The following ABL1 variants were observed in gnomAD, a reference collection of about 807,000 sequenced individuals.
ABL1 encodes the protein tyrosine-protein kinase ABL1.
In ABL1, 11 loss-of-function variants were observed where a neutral mutation model predicts 94.7. That is an observed-to-expected ratio of 0.12 (90% CI 0.07 to 0.19). The LOEUF (loss-of-function observed/expected upper bound fraction) is 0.19, where lower values mean the gene tolerates loss of function less well. ABL1 is among the 10% of genes least tolerant of loss of function. The pLI is 1.00. For missense variants in ABL1, 1,082 were observed against 1,489.4 expected, an observed-to-expected ratio of 0.73 and a Z score of 4.50; for synonymous variants, 656 against 622.4, an observed-to-expected ratio of 1.05 and a Z score of -0.80.
upstream of ABL1, among the ~76,000 whole-genome samples, chr9:130,830,359 G>A (rs1435251089): frequency 6.6e-6 from 1 of 152,216 alleles, no homozygotes; most frequent in Non-Finnish European, 1.5e-5. Context: ...TGCAGCCTGT[G>A]CATGAAATCA....
At chr9:130,851,014 C>T (rs1426430506) in intron 1 of ABL1, among the ~76,000 whole-genome samples, 1 of 151,986 alleles carries the variant, frequency 6.6e-6, no homozygotes, top group Admixed American at 6.6e-5. Context: ...AGCTCCGCCT[C>T]CCGGGTTCAC....
upstream of ABL1, among the ~76,000 whole-genome samples, chr9:130,833,827 G>A (rs185569271): frequency 4.6e-5 from 7 of 152,234 alleles, no homozygotes; most frequent in East Asian, 1.3e-3. Flanking sequence ...AGCCATTCCT[G>A]AGGTACTGAA....
chr9:130,810,790 A>G lies in ABL1; in HGVS notation c.137-43274A>G, dbSNP rs112078560. Reference sequence around the variant, plus strand: ...AATGGCTGAAAAATTTCCAAGTGTAATGAAAGCAGTAAACACACAGATCCA... The same window carrying G: ...AATGGCTGAAAAATTTCCAAGTGTAGTGAAAGCAGTAAACACACAGATCCA... On this transcript the variant is annotated intron_variant, in intron 1 of 10. Coordinates refer to the ABL1 transcript ENST00000372348. 8.4e-4 allele frequency among the ~76,000 whole-genome samples: 128 copies of G among 152,236 alleles called. 1 individual carries two copies. The highest frequency in any genetic ancestry group is 2.7e-3 in the African/African-American group (113 of 41,552).
In ABL1 at chr9:130,749,111, A is replaced by G. The variant is rs34558461; in HGVS notation, c.136+34656A>G. On this transcript the variant is annotated intron_variant, in intron 1 of 10. Coordinates refer to the ABL1 transcript ENST00000372348. ...TTATACTAGATCTTGAGCACCAGCT[A>G]TTTATTTTCTCTTGAAGCAGTGGTT... Among the ~76,000 whole-genome samples, 613 of 152,144 alleles carry G rather than the reference A, an allele frequency of 4.0e-3. 6 individuals carry two copies. Among genetic ancestry groups the G allele is most frequent in the African/African-American group, 0.014 (569 of 41,524 alleles).
chr9:130,785,914 C>T (rs895345753), intron 1 of ABL1, among the ~76,000 whole-genome samples: 2 of 125,336 alleles, frequency 1.6e-5, no homozygotes, highest in African/African-American at 6.3e-5. Context: ...CATTCTGGAA[C>T]TCTGTCTCAA....
At chr9:130,853,372 C>T (rs940939013) in intron 1 of ABL1, among the ~76,000 whole-genome samples, 2 of 150,790 alleles carry the variant, frequency 1.3e-5, no homozygotes, top group African/African-American at 4.9e-5. Context: ...GACAGGATTT[C>T]ACTGTGTTGG....
intron 6 of ABL1, 135 bp from the exon 7 acceptor site, chr9:130,874,733 G>A (rs947383983): frequency 8.9e-6 from 8 of 893,954 alleles, no homozygotes; most frequent in Non-Finnish European, 1.4e-5. Flanking sequence ...AATTGCCGTG[G>A]GCATTAATAC....
At chr9:130,767,780 TACAC>T (rs534368272) in intron 1 of ABL1, among the ~76,000 whole-genome samples, 1 of 152,228 alleles carries the variant, frequency 6.6e-6, no homozygotes, top group African/African-American at 2.4e-5. Flanking sequence ...CACACACACG[TACAC>T]ACACATTCAC....
intron 6 of ABL1, among the ~76,000 whole-genome samples, chr9:130,873,731 G>A (rs1382256286): frequency 3.3e-5 from 5 of 152,098 alleles, no homozygotes; most frequent in East Asian, 3.9e-4. Flanking sequence ...GCAAAGCGAC[G>A]GCCTGTGCAG....
intron 1 of ABL1, among the ~76,000 whole-genome samples, chr9:130,853,170 C>CTTTTTTTTTTT (rs11418318): frequency 1.3e-5 from 1 of 75,342 alleles, no homozygotes; most frequent in Non-Finnish European, 2.3e-5. Flanking sequence ...TTTGACTTTT[C>CTTTTTTTTTTT]TTTTTTTTTT....
intron 1 of ABL1, among the ~76,000 whole-genome samples, chr9:130,778,580 G>A (rs1829703409): frequency 2.0e-5 from 3 of 151,912 alleles, no homozygotes; most frequent in Admixed American, 6.6e-5. Context: ...CATGTTTGGG[G>A]CTCTTCTGGG....
intron 1 of ABL1, among the ~76,000 whole-genome samples, chr9:130,776,627 G>A (rs1471795936): frequency 6.6e-6 from 1 of 152,078 alleles, no homozygotes; most frequent in Non-Finnish European, 1.5e-5. Flanking sequence ...GAGGTCTTTG[G>A]GGGCTGCCTG....
In ABL1 at chr9:130,887,423, C is replaced by G. The variant is rs1235641097; in HGVS notation, c.*1740C>G. 1.3e-5 allele frequency: 3 copies of G among 233,324 alleles called. No individual in the cohort carries two copies. The highest frequency in any genetic ancestry group is 6.6e-5 in the African/African-American group (3 of 45,344). 14.5% of individuals were successfully genotyped at this position (233,324 alleles called of 1,614,324 possible). ...CTGCCTGTCTCCATGAGGTACTGGTCCCTTCCTTTTGTTAACGTGATGTGC... is the reference window on the plus strand; with the variant it reads ...CTGCCTGTCTCCATGAGGTACTGGTGCCTTCCTTTTGTTAACGTGATGTGC... On this transcript the variant is annotated 3_prime_UTR_variant, in exon 11 of 11. Coordinates refer to ENST00000318560, the MANE Select transcript of ABL1 (RefSeq NM_005157.6).
chr9:130,816,934 A>G (rs1445904259), intron 1 of ABL1, among the ~76,000 whole-genome samples: 1 of 151,926 alleles, frequency 6.6e-6, no homozygotes, highest in Non-Finnish European at 1.5e-5. Flanking sequence ...AAACTCCTGA[A>G]CCTCAGGTGA....
At position 130,862,831 on chromosome 9, in the gene ABL1, C is replaced by G; in HGVS notation, c.618C>G (p.Ala206=). The G allele has an allele frequency of 6.2e-7, 1 of 1,614,028 alleles. No individual in the cohort carries two copies. Among genetic ancestry groups the G allele is most frequent in the South Asian group, 1.1e-5 (1 of 91,046 alleles). The change falls in exon 4 of 11, where the codon GCC becomes GCG. Residue 206 remains alanine (A), a synonymous_variant. Coordinates refer to ENST00000318560, the MANE Select transcript of ABL1 (RefSeq NM_005157.6). The surrounding 1 kb of genome is among the most constrained non-coding windows in gnomAD (Gnocchi z 5.5). ...AELVHHHSTV[A]DGLITTLHYP... ...TGGTTCATCATCATTCAACGGTGGC[C>G]GACGGGCTCATCACCACGCTCCATT...
Position 130,849,499 on chromosome 9 carries a change from A to T in ABL1, c.80-4565A>T, listed in dbSNP as rs1294606377. Among the ~76,000 whole-genome samples, 5 of 151,880 alleles carry T rather than the reference A, an allele frequency of 3.3e-5. 1 individual carries two copies. In the South Asian group the frequency reaches 1.0e-3, roughly 32 times the overall value. On this transcript the variant is annotated intron_variant, in intron 1 of 10. Transcript: ENST00000318560. ...AGTGATTATTATCAAGCGTTCACAC[A>T]CTTTCCATGTTTAATGGTAATTTTT...
chr9:130,780,296 A>T (rs17521885), intron 1 of ABL1, among the ~76,000 whole-genome samples: 13,640 of 152,188 alleles, frequency 0.09, 713 homozygotes, highest in South Asian at 0.15. Flanking sequence ...CAAAAAAGAA[A>T]TTGAACAGCC....
intron 1 of ABL1, among the ~76,000 whole-genome samples, chr9:130,763,396 A>G (rs1178259205): frequency 1.3e-5 from 2 of 151,842 alleles, no homozygotes; most frequent in African/African-American, 4.8e-5. Flanking sequence ...GGTATATTAT[A>G]TTGGTGTTAG....
At chr9:130,775,187 T>TA (rs1200120694) in intron 1 of ABL1, among the ~76,000 whole-genome samples, 3 of 152,164 alleles carry the variant, frequency 2.0e-5, no homozygotes, top group Non-Finnish European at 4.4e-5. Context: ...TTCTCAGTCT[T>TA]AACACCAGAT....
Sources: allele counts gnomAD v4.1 joint callset (sites outside exome capture counted in the v4.1 genomes callset), GRCh38; gene constraint gnomAD v4.1.1; non-coding constraint Gnocchi (gnomAD v3.1); transcripts MANE v1.5; gene names NCBI Gene and HGNC (gene_info 2026-07-23, HGNC 2026-07-21).